ZNF385D: variants seen among roughly 807,000 people sequenced by gnomAD.
ZNF385D encodes the protein zinc finger protein 659.
Under a neutral mutation model 35.8 loss-of-function variants are expected in ZNF385D, and 15 were observed. That is an observed-to-expected ratio of 0.42 (90% CI 0.28 to 0.64). The LOEUF is 0.64. Ranked by LOEUF, ZNF385D falls within the 30% of genes least tolerant of loss-of-function variation. The probability of loss-of-function intolerance (pLI) is 0.23; values close to 1 mark genes in which losing one functional copy is unlikely to be tolerated. For missense variants in ZNF385D, 474 were observed against 494.6 expected (o/e 0.96, Z 0.39); for synonymous variants, 212 against 186.8 (o/e 1.13, Z -1.10).
intron 3 of ZNF385D, among the ~76,000 whole-genome samples, chr3:21,836,171 T>A (rs1352469680): frequency 3.3e-5 from 1 of 30,194 alleles, no homozygotes; most frequent in East Asian, 1.0e-3. Context: ...CATTGTTTAG[T>A]CTTCTGACTC....
chr3:22,167,499 C>G (rs1706412413), intron 3 of ZNF385D, among the ~76,000 whole-genome samples: 1 of 152,160 alleles, frequency 6.6e-6, no homozygotes, highest in South Asian at 2.1e-4. Context: ...GTCAGCATAT[C>G]CTCATTCTTC....
intron 3 of ZNF385D, among the ~76,000 whole-genome samples, chr3:21,960,073 G>A (rs1334951938): frequency 6.8e-6 from 1 of 146,368 alleles, no homozygotes; most frequent in East Asian, 2.0e-4. Flanking sequence ...AAAATCTTCT[G>A]TACAGCCAAG....
At chr3:22,281,496 T>A (rs573663750) in intron 2 of ZNF385D, among the ~76,000 whole-genome samples, 2 of 152,142 alleles carry the variant, frequency 1.3e-5, no homozygotes, top group Non-Finnish European at 2.9e-5. Flanking sequence ...GAAATAATCA[T>A]GTGATTTTTA....
chr3:21,514,379 G>A (rs1252595715), intron 3 of ZNF385D, among the ~76,000 whole-genome samples: 4 of 152,090 alleles, frequency 2.6e-5, no homozygotes, highest in African/African-American at 9.7e-5. Flanking sequence ...ATGGACGTGA[G>A]CAAAACAATA....
intron 2 of ZNF385D, among the ~76,000 whole-genome samples, chr3:22,190,406 A>G (rs1389832945): frequency 6.6e-6 from 1 of 152,208 alleles, no homozygotes; most frequent in African/African-American, 2.4e-5. Flanking sequence ...AAATTCATGT[A>G]TTAGTAACCT....
At chr3:21,737,229 T>C (rs1353111295) in intron 1 of ZNF385D, among the ~76,000 whole-genome samples, 2 of 152,308 alleles carry the variant, frequency 1.3e-5, no homozygotes, top group East Asian at 3.9e-4. Context: ...CCTACTTCTA[T>C]AGATAGATAC....
rs149577244 is a variant in ZNF385D at position 22,194,851 on chromosome 3, T to A, written c.107-25816A>T. Among the ~76,000 whole-genome samples, 390 of 151,994 alleles carry A rather than the reference T, an allele frequency of 2.6e-3. 5 individuals are homozygous for A. Among genetic ancestry groups the A allele is most frequent in the African/African-American group, 8.9e-3 (371 of 41,520 alleles). ...GTTGTTCTTTTTGTTACTGAGAATT[T>A]CTCCATAGTATGAAGATACCACAAT... On this transcript the variant is annotated intron_variant, in intron 2 of 5. Coordinates refer to the ZNF385D transcript ENST00000494108.
At chr3:21,683,462 C>CA (rs2066980796) in intron 1 of ZNF385D, among the ~76,000 whole-genome samples, 1 of 149,372 alleles carries the variant, frequency 6.7e-6, no homozygotes, top group African/African-American at 2.5e-5. Flanking sequence ...ACTAAAAATA[C>CA]AAAAAATTAG....
chr3:21,839,392 G>A (rs1423434301), intron 3 of ZNF385D, among the ~76,000 whole-genome samples: 1 of 152,076 alleles, frequency 6.6e-6, no homozygotes, highest in Non-Finnish European at 1.5e-5. Flanking sequence ...CATCATAAAA[G>A]ATGACTAAAC....
At chr3:21,843,777 A>G (rs1254031527) in intron 3 of ZNF385D, among the ~76,000 whole-genome samples, 1 of 151,996 alleles carries the variant, frequency 6.6e-6, no homozygotes, top group African/African-American at 2.4e-5. Context: ...TTATTTCAAT[A>G]TGAACTTTGA....
At chr3:22,338,253 C>G (rs1433540628) in intron 2 of ZNF385D, among the ~76,000 whole-genome samples, 1 of 152,128 alleles carries the variant, frequency 6.6e-6, no homozygotes, top group Non-Finnish European at 1.5e-5. Context: ...CAGTATAAAA[C>G]TTGATTAAAC....
At chr3:21,938,808 G>C (rs895215711) in intron 3 of ZNF385D, among the ~76,000 whole-genome samples, 1 of 152,164 alleles carries the variant, frequency 6.6e-6, no homozygotes, top group African/African-American at 2.4e-5. Context: ...ACAAAGTCAA[G>C]ATCAAGTTCA....
intron 2 of ZNF385D, among the ~76,000 whole-genome samples, chr3:22,320,536 A>G (rs1694363039): frequency 6.6e-6 from 1 of 151,316 alleles, no homozygotes; most frequent in South Asian, 2.1e-4. Flanking sequence ...TTAGATTTAA[A>G]AATTCATACT....
intron 5 of ZNF385D, among the ~76,000 whole-genome samples, chr3:21,426,853 CAT>C (rs936125954): frequency 6.6e-6 from 1 of 152,186 alleles, no homozygotes; most frequent in African/African-American, 2.4e-5. Flanking sequence ...TTTCTAGCCA[CAT>C]GTTTCCCTTC....
At chr3:22,215,837 G>C (rs1224817203) in intron 2 of ZNF385D, among the ~76,000 whole-genome samples, 1 of 152,020 alleles carries the variant, frequency 6.6e-6, no homozygotes, top group African/African-American at 2.4e-5. Context: ...CTGCCGACAT[G>C]TGATGTCTCC....
chr3:22,162,551 T>G (rs996690977), intron 3 of ZNF385D, among the ~76,000 whole-genome samples: 4 of 152,150 alleles, frequency 2.6e-5, no homozygotes, highest in African/African-American at 9.7e-5. Flanking sequence ...TTGAGAGATT[T>G]TTTATAGGCA....
At chr3:21,702,854 T>C (rs1575491939) in intron 1 of ZNF385D, among the ~76,000 whole-genome samples, 1 of 152,144 alleles carries the variant, frequency 6.6e-6, no homozygotes, top group East Asian at 1.9e-4. Flanking sequence ...GAGTTCCTCA[T>C]CTCCATCTGA....
intron 2 of ZNF385D, among the ~76,000 whole-genome samples, chr3:22,203,260 C>T (rs1397629149): frequency 6.6e-6 from 1 of 152,056 alleles, no homozygotes; most frequent in Non-Finnish European, 1.5e-5. Context: ...GGCCTACCTC[C>T]CAGCTGACAT....
Position 21,413,462 on chromosome 3 carries a change from C to A in ZNF385D, c.*7752G>T, listed in dbSNP as rs1433695703. 6.6e-6 allele frequency: 1 copy of A among 152,002 alleles called. No homozygotes were observed. Among genetic ancestry groups the A allele is most frequent in the African/African-American group, 2.4e-5 (1 of 41,390 alleles). 9.4% of individuals were successfully genotyped at this position (152,002 alleles called of 1,614,324 possible). A position where few individuals can be genotyped will look rare whatever the true frequency, so the allele number is the denominator to read the frequency against. On this transcript the variant is annotated 3_prime_UTR_variant, in exon 8 of 8. Transcript: ENST00000281523. ...TTATAGTTAAGTCAATGCTTTGCCA[C>A]CCCCCAGCTTTGTTAGTTTTTGTAA...
Sources: gnomAD v4.1 joint callset for allele counts (sites outside exome capture counted in the v4.1 genomes callset) on GRCh38, gnomAD v4.1.1 for gene constraint, MANE v1.5 for transcripts, NCBI Gene and HGNC (gene_info 2026-07-23, HGNC 2026-07-21) for gene names.